APP: variants seen among roughly 807,000 people sequenced by gnomAD.
APP encodes amyloid beta precursor protein.
APP carries 31 observed loss-of-function variants against 101.4 expected under a neutral mutation model. The observed-to-expected ratio is 0.31, with a 90% CI of 0.23 to 0.41. The LOEUF (loss-of-function observed/expected upper bound fraction) is 0.41, where lower values mean the gene tolerates loss of function less well. Ranked by LOEUF, APP falls within the 10% of genes least tolerant of loss-of-function variation. APP has a pLI of 1.00. For missense variants in APP, 839 were observed against 1,003.7 expected, an observed-to-expected ratio of 0.84 and a Z score of 2.22; for synonymous variants, 366 against 364.4, an observed-to-expected ratio of 1.00 and a Z score of -0.05.
chr21:25,887,517 G>GAAAAAA (rs199637906), intron 17 of APP, among the ~76,000 whole-genome samples: 36 of 114,390 alleles, frequency 3.1e-4, no homozygotes, highest in East Asian at 1.9e-3. Flanking sequence ...CTGCTTATTT[G>GAAAAAA]AAAAAAAAAA....
intron 13 of APP, among the ~76,000 whole-genome samples, chr21:25,915,264 T>C (rs1332945409): frequency 6.6e-6 from 1 of 152,222 alleles, no homozygotes; most frequent in African/African-American, 2.4e-5. Context: ...TGGAAGCCCA[T>C]CTCTGCTCAT....
intron 6 of APP, among the ~76,000 whole-genome samples, chr21:26,020,185 G>C (rs1223256115): frequency 6.6e-6 from 1 of 152,092 alleles, no homozygotes; most frequent in Non-Finnish European, 1.5e-5. Context: ...GGACACAAAA[G>C]ACCATGTATT....
At chr21:25,962,007 G>C (rs1245527533) in intron 11 of APP, among the ~76,000 whole-genome samples, 1 of 151,960 alleles carries the variant, frequency 6.6e-6, no homozygotes, top group Non-Finnish European at 1.5e-5. Flanking sequence ...CTACAGTCTG[G>C]TTATATTGGC....
At chr21:26,103,414 A>ATCTCTACCAAAAT (rs1338974034) in intron 2 of APP, among the ~76,000 whole-genome samples, 1 of 152,136 alleles carries the variant, frequency 6.6e-6, no homozygotes, top group Non-Finnish European at 1.5e-5. Flanking sequence ...CAGCCTAGCC[A>ATCTCTACCAAAAT]ACATGGTGAA....
chr21:25,948,272 C>A (rs2040918200), intron 13 of APP, among the ~76,000 whole-genome samples: 1 of 151,308 alleles, frequency 6.6e-6, no homozygotes, highest in African/African-American at 2.4e-5. Context: ...TATAAATATT[C>A]TATTTTAAAC....
intron 1 of APP, among the ~76,000 whole-genome samples, chr21:26,166,063 T>C (rs1223162450): frequency 6.6e-6 from 1 of 152,122 alleles, no homozygotes; most frequent in Non-Finnish European, 1.5e-5. Context: ...AACTTTTTTT[T>C]CCAAGAAAAA....
intron 1 of APP, among the ~76,000 whole-genome samples, chr21:26,168,967 T>G (rs1555886612): frequency 6.6e-6 from 1 of 152,170 alleles, no homozygotes; most frequent in Non-Finnish European, 1.5e-5. Context: ...GCCCGGAAAT[T>G]GCTTTTTTTC....
At chr21:26,096,593 A>G (rs1209452659) in intron 2 of APP, among the ~76,000 whole-genome samples, 1 of 152,218 alleles carries the variant, frequency 6.6e-6, no homozygotes, top group Non-Finnish European at 1.5e-5. Context: ...ACTGGAGGTG[A>G]GCATAAGTCT....
At chr21:26,011,337 A>C (rs540744467) in intron 6 of APP, among the ~76,000 whole-genome samples, 1 of 151,980 alleles carries the variant, frequency 6.6e-6, no homozygotes, top group Non-Finnish European at 1.5e-5. Flanking sequence ...CAGCCTCCCA[A>C]AGTGCTGGGG....
chr21:26,021,165 A>C (rs1378657855), intron 6 of APP, among the ~76,000 whole-genome samples: 2 of 149,850 alleles, frequency 1.3e-5, no homozygotes, highest in African/African-American at 2.5e-5. Flanking sequence ...CTCCTGTCTC[A>C]GCCTCCCAAA....
chr21:25,880,987 T>C lies in APP; in HGVS notation c.*683A>G, dbSNP rs1010797044. On this transcript the variant is annotated 3_prime_UTR_variant, in exon 18 of 18. Transcript: ENST00000346798. The stretch of plus-strand genomic sequence containing the variant: ...TACAATGAACAGGGATTCTTTTCTT[T>C]ATCAAAGACCCAAAGATACGTGGAC... 6.6e-6 allele frequency: 1 copy of C among 152,298 alleles called. No homozygotes were observed. Among genetic ancestry groups the C allele is most frequent in the African/African-American group, 2.4e-5 (1 of 41,288 alleles). 9.4% of individuals were successfully genotyped at this position (152,298 alleles called of 1,614,324 possible).
chr21:26,031,822 A>G (rs2044840695), intron 5 of APP, among the ~76,000 whole-genome samples: 2 of 152,200 alleles, frequency 1.3e-5, no homozygotes, highest in Non-Finnish European at 2.9e-5. Context: ...TCCTCCTTCC[A>G]GCACGCTCCC....
intron 1 of APP, among the ~76,000 whole-genome samples, chr21:26,150,378 C>A (rs2063240334): frequency 6.6e-6 from 1 of 152,132 alleles, no homozygotes; most frequent in Admixed American, 6.5e-5. Context: ...CTTCACACAG[C>A]AAAATTTTTA....
intron 15 of APP, among the ~76,000 whole-genome samples, chr21:25,901,986 A>AT (rs1007538443): frequency 2.0e-5 from 3 of 151,876 alleles, no homozygotes; most frequent in Admixed American, 6.6e-5. Flanking sequence ...TTCAGAGTCT[A>AT]TTTTTTCTTT....
chr21:25,891,696 G>C (rs200093246), intron 17 of APP, 26 bp downstream of exon 17: 1 of 1,612,092 alleles, frequency 6.2e-7, no homozygotes, highest in South Asian at 1.1e-5. Context: ...ATTCCCACTT[G>C]GAAACATGCA....
At chr21:26,018,017 T>C (rs1428341419) in intron 6 of APP, among the ~76,000 whole-genome samples, 1 of 152,190 alleles carries the variant, frequency 6.6e-6, no homozygotes, top group Non-Finnish European at 1.5e-5. Context: ...GTGCTTACTT[T>C]TAAACAATAA....
In APP at chr21:26,097,924, A is replaced by G. The variant is rs568878415; in HGVS notation, c.226-7852T>C. On this transcript the variant is annotated intron_variant, in intron 2 of 17. Coordinates refer to ENST00000346798, the MANE Select transcript of APP (RefSeq NM_000484.4). ...TGAAACCCCGTCTCTACTAAAAAAT[A>G]CAAAAATTAGCCGGGCATGGTGGCA... Among the ~76,000 whole-genome samples the G allele has an allele frequency of 1.6e-3, 244 of 152,118 alleles. 1 individual carries two copies. The highest frequency in any genetic ancestry group is 5.5e-3 in the African/African-American group (230 of 41,506).
intron 5 of APP, among the ~76,000 whole-genome samples, chr21:26,047,844 G>T (rs952626832): frequency 2.0e-5 from 3 of 152,122 alleles, no homozygotes; most frequent in Admixed American, 6.5e-5. Flanking sequence ...GCTGTTAAAT[G>T]TTAAAAGAAG....
chr21:25,976,915 C>T (rs1013344858), intron 9 of APP, among the ~76,000 whole-genome samples: 31 of 152,042 alleles, frequency 2.0e-4, no homozygotes, highest in African/African-American at 7.2e-4. Context: ...TCAGTTTTGC[C>T]CTCCTCTTGC....
Sources: gnomAD v4.1 joint callset for allele counts (sites outside exome capture counted in the v4.1 genomes callset) on GRCh38, gnomAD v4.1.1 for gene constraint, MANE v1.5 for transcripts, NCBI Gene and HGNC (gene_info 2026-07-23, HGNC 2026-07-21) for gene names.